The following MTFR1 variants were observed in gnomAD, a reference collection of about 807,000 sequenced individuals.
The protein encoded by MTFR1 is mitochondrial fission regulator 1, also known as chondrocyte protein with a poly-proline region.
In MTFR1, 28 loss-of-function variants were observed where a neutral mutation model predicts 38.8. The ratio of observed to expected loss-of-function variants is 0.72; its 90% CI spans 0.53 to 0.99. The LOEUF is 0.99. Among genes scored for constraint, MTFR1 ranks in the 50% least tolerant of loss-of-function variants. The probability of loss-of-function intolerance (pLI) is 0.00; values close to 1 mark genes in which losing one functional copy is unlikely to be tolerated. For synonymous variants in MTFR1, 145 were observed against 137.0 expected (o/e 1.06, Z -0.41); for missense variants, 358 against 395.5 (o/e 0.91, Z 0.81).
At chr8:65,721,393 G>A (rs1806371418) in intron 3 of MTFR1, among the ~76,000 whole-genome samples, 1 of 152,160 alleles carries the variant, frequency 6.6e-6, no homozygotes, top group Non-Finnish European at 1.5e-5. Context: ...TTGTTAAGAG[G>A]CTGGGATTTG....
intron 3 of MTFR1, chr8:65,739,695 G>A: frequency 8.3e-7 from 1 of 1,199,292 alleles, no homozygotes; most frequent in Non-Finnish European, 1.1e-6. Flanking sequence ...AACATGGAAA[G>A]AGTAATAATT....
chr8:65,690,359 AC>A (rs930615805), intron 3 of MTFR1, among the ~76,000 whole-genome samples: 1 of 151,594 alleles, frequency 6.6e-6, no homozygotes, highest in Non-Finnish European at 1.5e-5. Flanking sequence ...ACATGGCGAT[AC>A]CCCCCATCTC....
chr8:65,730,642 A>G (rs1443882818), intron 3 of MTFR1, among the ~76,000 whole-genome samples: 1 of 151,990 alleles, frequency 6.6e-6, no homozygotes, highest in Non-Finnish European at 1.5e-5. Context: ...AAAACAGAGA[A>G]CTAGGCTGGG....
chr8:65,670,107 CA>C, intron 2 of MTFR1, 89 bp downstream of exon 2: 1 of 1,090,218 alleles, frequency 9.2e-7, no homozygotes, highest in Non-Finnish European at 1.3e-6. Context: ...TATATATGAC[CA>C]ACATCTTGAA....
chr8:65,672,999 T>A (rs1000839446), intron 2 of MTFR1, among the ~76,000 whole-genome samples: 1 of 152,234 alleles, frequency 6.6e-6, no homozygotes, highest in African/African-American at 2.4e-5. Flanking sequence ...TTAAATTTCC[T>A]TCAAGAACTT....
intron 1 of MTFR1, among the ~76,000 whole-genome samples, chr8:65,652,017 G>A (rs1037062118): frequency 3.3e-5 from 5 of 151,394 alleles, no homozygotes; most frequent in South Asian, 4.2e-4. Flanking sequence ...GGAGTGCAGC[G>A]GCATGATCAC....
intron 4 of MTFR1, 104 bp downstream of exon 4, chr8:65,693,863 A>G: frequency 1.2e-6 from 1 of 802,270 alleles, no homozygotes; most frequent in Admixed American, 2.4e-5. Context: ...ATCTCTAGTA[A>G]TGCACCCTCT....
intron 3 of MTFR1, among the ~76,000 whole-genome samples, chr8:65,733,404 C>G (rs994590020): frequency 2.0e-5 from 3 of 152,166 alleles, no homozygotes; most frequent in Non-Finnish European, 4.4e-5. Context: ...ATCAATCTCT[C>G]CCACAACATT....
chr8:65,676,843 C>G (rs1234643076), intron 2 of MTFR1, among the ~76,000 whole-genome samples: 2 of 152,100 alleles, frequency 1.3e-5, no homozygotes, highest in Non-Finnish European at 2.9e-5. Flanking sequence ...TCAACACTTT[C>G]TACAATAGCA....
intron 1 of MTFR1, among the ~76,000 whole-genome samples, chr8:65,661,080 T>C (rs149724750): frequency 1.3e-5 from 2 of 152,304 alleles, no homozygotes; most frequent in Non-Finnish European, 2.9e-5. Flanking sequence ...GGTAAATTAA[T>C]AGGTGGAACA....
intron 2 of MTFR1, chr8:65,718,242 A>G (rs1338526726): frequency 1.3e-5 from 2 of 152,254 alleles, no homozygotes; most frequent in Non-Finnish European, 2.9e-5. Context: ...CTTTGCCCAC[A>G]TGGAGAAACA....
At chr8:65,762,641 C>T (rs1430609819) in intron 3 of MTFR1, among the ~76,000 whole-genome samples, 1 of 151,816 alleles carries the variant, frequency 6.6e-6, no homozygotes, top group African/African-American at 2.4e-5. Flanking sequence ...ACATTTTTGG[C>T]AAAGAAAAAG....
intron 3 of MTFR1, among the ~76,000 whole-genome samples, chr8:65,690,407 G>T (rs1805238947): frequency 6.6e-6 from 1 of 152,108 alleles, no homozygotes; most frequent in African/African-American, 2.4e-5. Flanking sequence ...GTGTCGTGGT[G>T]TGTGCCAGTA....
intron 2 of MTFR1, 21 bp from the exon 3 acceptor site, chr8:65,682,332 C>A: frequency 1.5e-6 from 2 of 1,351,384 alleles, no homozygotes; most frequent in South Asian, 2.8e-5. Context: ...ATTAAGCTTT[C>A]GGTTTTTCCT....
intron 3 of MTFR1, among the ~76,000 whole-genome samples, chr8:65,768,585 T>G (rs1045373246): frequency 3.9e-5 from 6 of 152,216 alleles, no homozygotes; most frequent in Admixed American, 6.5e-5. Context: ...TGCCCAATCT[T>G]GGAATGTCTT....
intron 1 of MTFR1, among the ~76,000 whole-genome samples, chr8:65,662,779 C>T (rs1447214835): frequency 4.7e-5 from 7 of 148,460 alleles, no homozygotes; most frequent in African/African-American, 7.5e-5. Flanking sequence ...GGAGCGTCTC[C>T]GCCCAGCAGC....
intron 2 of MTFR1, among the ~76,000 whole-genome samples, chr8:65,672,446 T>TA (rs1804589968): frequency 6.6e-6 from 1 of 152,214 alleles, no homozygotes; most frequent in African/African-American, 2.4e-5. Flanking sequence ...TATACAGGCA[T>TA]AGCTTGGAGA....
At chr8:65,775,546 G>A (rs1165864452), downstream of MTFR1, among the ~76,000 whole-genome samples, 1 of 152,150 alleles carries the variant, frequency 6.6e-6, no homozygotes, top group Non-Finnish European at 1.5e-5. Flanking sequence ...AAATTTCCAG[G>A]TGGCCAGGCC....
In MTFR1 at chr8:65,709,886, G is replaced by A. The variant is rs1014784267; in HGVS notation, c.*842G>A. 2 of 152,558 alleles carry A rather than the reference G, an allele frequency of 1.3e-5. No homozygotes were observed. Among genetic ancestry groups the A allele is most frequent in the Non-Finnish European group, 2.9e-5 (2 of 68,022 alleles). 9.5% of individuals were successfully genotyped at this position (152,558 alleles called of 1,614,324 possible). On this transcript the variant is annotated 3_prime_UTR_variant, in exon 8 of 8. Transcript: ENST00000262146. ...AAGATGACTTTGCTAAGTTAATAGA[G>A]TTAAAAATTTTTTTAATATAAGCCA... is the stretch of plus-strand genomic sequence containing the variant.
Sources: gnomAD v4.1 joint callset for allele counts (sites outside exome capture counted in the v4.1 genomes callset) on GRCh38, gnomAD v4.1.1 for gene constraint, MANE v1.5 for transcripts, NCBI Gene and HGNC (gene_info 2026-07-23, HGNC 2026-07-21) for gene names.